CNTNAP2: variants seen among roughly 807,000 people sequenced by gnomAD.
CNTNAP2 encodes contactin associated protein 2, also known as contactin-associated protein-like 2.
In CNTNAP2, 98 loss-of-function variants were observed where a neutral mutation model predicts 155.2. That is an observed-to-expected ratio of 0.63 (90% CI 0.54 to 0.75). The LOEUF (loss-of-function observed/expected upper bound fraction) is 0.75, where lower values mean the gene tolerates loss of function less well. Ranked by LOEUF, CNTNAP2 falls within the 30% of genes least tolerant of loss-of-function variation. The pLI, the probability that CNTNAP2 is intolerant of heterozygous loss-of-function variation, is 0.00. For missense variants in CNTNAP2, 1,727 were observed against 1,688.1 expected, an observed-to-expected ratio of 1.02 and a Z score of -0.40; for synonymous variants, 651 against 631.2, an observed-to-expected ratio of 1.03 and a Z score of -0.47.
intron 4 of CNTNAP2, among the ~76,000 whole-genome samples, chr7:147,050,254 T>C (rs1034615978): frequency 3.9e-5 from 6 of 152,176 alleles, no homozygotes; most frequent in Non-Finnish European, 7.3e-5. Flanking sequence ...AGATTAATAA[T>C]TTCAAAAAAT....
intron 1 of CNTNAP2, among the ~76,000 whole-genome samples, chr7:146,528,294 C>G (rs1797720352): frequency 6.6e-6 from 1 of 152,078 alleles, no homozygotes; most frequent in South Asian, 2.1e-4. Context: ...CTGGAGGAAG[C>G]CTGTTGGGTT....
At position 148,118,139 on chromosome 7, in the gene CNTNAP2, C is replaced by G; in HGVS notation, c.2405C>G (p.Ser802Cys). The G allele has an allele frequency of 6.2e-7, 1 of 1,614,168 alleles. No homozygotes were observed. Among genetic ancestry groups the G allele is most frequent in the Non-Finnish European group, 8.5e-7 (1 of 1,180,024 alleles). ...QGDRNYWNAASFPNPSSYLHF... is the reference protein window; with the variant it reads ...QGDRNYWNAACFPNPSSYLHF... ...ACAGGGAATTATTGGAATGCCGCCT[C>G]TTTCCCAAACCCATCCTCCTACCTG... The change falls in exon 16 of 24, where the codon TCT becomes TGT. Residue 802 changes from serine to cysteine, a missense_variant. By Grantham distance (112) the Ser-to-Cys change is moderately radical (BLOSUM62 -1). Transcript: ENST00000361727.
chr7:146,340,830 T>C (rs1429671607), intron 1 of CNTNAP2, among the ~76,000 whole-genome samples: 1 of 152,228 alleles, frequency 6.6e-6, no homozygotes. Flanking sequence ...GATTTAATTC[T>C]GTGCTTTAAT....
intron 21 of CNTNAP2, among the ~76,000 whole-genome samples, chr7:148,352,070 A>G (rs543268235): frequency 6.6e-6 from 1 of 152,328 alleles, no homozygotes; most frequent in East Asian, 1.9e-4. Context: ...AGATGGAATC[A>G]GATAAGTGTG....
intron 17 of CNTNAP2, among the ~76,000 whole-genome samples, chr7:148,170,305 A>G (rs772271321): frequency 2.0e-5 from 3 of 152,236 alleles, no homozygotes. Context: ...CCAGACATTT[A>G]TTTAATAAAA....
At position 147,848,903 on chromosome 7, in the gene CNTNAP2, GT is replaced by G. The variant is rs965566557; in HGVS notation, c.2099-54653del. On this transcript the variant is annotated intron_variant, in intron 13 of 23. Transcript: ENST00000361727. The stretch of plus-strand genomic sequence containing the variant: ...ACAGTTTGGGAGGAATTTTAATTTT[GT>G]TTTTTTTTCTCAAATAGTGAGATCA... Among the ~76,000 whole-genome samples the G allele has an allele frequency of 3.3e-5, 5 of 149,824 alleles. No individual in the cohort carries two copies. The East Asian group carries it at 9.8e-4, about 29-fold the overall frequency.
At chr7:147,899,637 C>T (rs558748375) in intron 13 of CNTNAP2, among the ~76,000 whole-genome samples, 3 of 152,162 alleles carry the variant, frequency 2.0e-5, no homozygotes, top group South Asian at 4.2e-4. Flanking sequence ...GTAATCTTCG[C>T]ACTTTGAGAG....
At chr7:147,340,556 T>G (rs772769467) in intron 9 of CNTNAP2, among the ~76,000 whole-genome samples, 2 of 152,150 alleles carry the variant, frequency 1.3e-5, no homozygotes, top group African/African-American at 2.4e-5. Context: ...ACTCATCTCC[T>G]CATAGTATCT....
intron 2 of CNTNAP2, among the ~76,000 whole-genome samples, chr7:146,816,474 G>A (rs1803172129): frequency 6.6e-6 from 1 of 152,142 alleles, no homozygotes. Flanking sequence ...CCCATGCCGG[G>A]AACAGTTGGC....
intron 3 of CNTNAP2, among the ~76,000 whole-genome samples, chr7:146,954,546 T>C (rs560364463): frequency 6.6e-6 from 1 of 152,114 alleles, no homozygotes; most frequent in Non-Finnish European, 1.5e-5. Context: ...ATTTCAACTA[T>C]TGGAGCAGAC....
chr7:148,343,795 C>T (rs1275429687), intron 21 of CNTNAP2, among the ~76,000 whole-genome samples: 2 of 152,204 alleles, frequency 1.3e-5, no homozygotes, highest in East Asian at 3.8e-4. Flanking sequence ...AGAGGAGAAT[C>T]GTGTGATTTG....
chr7:146,721,723 TA>T (rs1801326667), intron 1 of CNTNAP2, among the ~76,000 whole-genome samples: 2 of 126,690 alleles, frequency 1.6e-5, no homozygotes, highest in Non-Finnish European at 3.1e-5. Flanking sequence ...ATATATATTC[TA>T]AATACATTAT....
At chr7:147,197,205 C>A (rs899122811) in intron 8 of CNTNAP2, among the ~76,000 whole-genome samples, 1 of 152,004 alleles carries the variant, frequency 6.6e-6, no homozygotes, top group Non-Finnish European at 1.5e-5. Context: ...ACCAATCAGA[C>A]TAGTTGCACA....
At chr7:147,545,875 A>G (rs144221829) in intron 11 of CNTNAP2, among the ~76,000 whole-genome samples, 9 of 152,214 alleles carry the variant, frequency 5.9e-5, no homozygotes, top group Non-Finnish European at 1.0e-4. Flanking sequence ...ATGGGAGACA[A>G]TTTCCCCTAT....
At chr7:147,329,821 TC>T (rs1795524753) in intron 9 of CNTNAP2, among the ~76,000 whole-genome samples, 1 of 152,202 alleles carries the variant, frequency 6.6e-6, no homozygotes, top group South Asian at 2.1e-4. Flanking sequence ...AGGTCCTTTG[TC>T]ACGGTGCACT....
intron 1 of CNTNAP2, among the ~76,000 whole-genome samples, chr7:146,709,052 C>T (rs879784852): frequency 6.6e-6 from 1 of 152,074 alleles, no homozygotes; most frequent in East Asian, 1.9e-4. Flanking sequence ...TGGATAAAGT[C>T]AACCACAGTT....
intron 11 of CNTNAP2, among the ~76,000 whole-genome samples, chr7:147,498,806 C>T (rs1041746680): frequency 1.5e-4 from 23 of 152,046 alleles, no homozygotes; most frequent in African/African-American, 5.3e-4. Context: ...TCCCATTTGT[C>T]ATCACCCTAT....
Position 147,132,406 on chromosome 7 carries a change from T to C in CNTNAP2, c.1245T>C (p.Phe415=), listed in dbSNP as rs745611779. The C allele has an allele frequency of 1.2e-6, 2 of 1,613,720 alleles. No individual in the cohort carries two copies. Among genetic ancestry groups the C allele is most frequent in the South Asian group, 1.1e-5 (1 of 91,086 alleles). ...NPNGLLVFSH[F]ADNLGNVEID... ...ATGGTCTCCTGGTCTTCAGTCACTT[T>C]GCGGATAATTTGGGCAATGTGGAGA... The change falls in exon 8 of 24, where the codon TTT becomes TTC. Residue 415 remains phenylalanine, a synonymous_variant. Coordinates refer to ENST00000361727, the MANE Select transcript of CNTNAP2 (RefSeq NM_014141.6).
intron 1 of CNTNAP2, among the ~76,000 whole-genome samples, chr7:146,626,887 G>A (rs1430435800): frequency 1.3e-5 from 2 of 152,052 alleles, no homozygotes; most frequent in Admixed American, 6.6e-5. Flanking sequence ...AGGCCATTCT[G>A]AAGGCCTAAC....
Sources: allele counts gnomAD v4.1 joint callset (sites outside exome capture counted in the v4.1 genomes callset), GRCh38; gene constraint gnomAD v4.1.1; transcripts MANE v1.5; gene names NCBI Gene and HGNC (gene_info 2026-07-23, HGNC 2026-07-21).